Variants in GRIN3B observed in about 807,000 individuals in gnomAD.
GRIN3B encodes the protein glutamate ionotropic receptor NMDA type subunit 3B, also known as glutamate receptor ionotropic, NMDA 3B.
In GRIN3B, 77 loss-of-function variants were observed where a neutral mutation model predicts 66.0. The observed-to-expected ratio is 1.17, with a 90% CI of 0.97 to 1.41. The LOEUF is 1.41. GRIN3B is among the 40% of genes most tolerant of loss of function. GRIN3B has a pLI of 0.00. For missense variants in GRIN3B, 1,787 were observed against 1,564.5 expected (o/e 1.14, Z -2.40); for synonymous variants, 823 against 749.7 (o/e 1.10, Z -1.60).
Position 1,009,530 on chromosome 19 carries a change from G to A in GRIN3B, c.3060G>A (p.Arg1020=), listed in dbSNP as rs771905261. 1.5e-5 allele frequency: 22 copies of A among 1,488,192 alleles called. No individual in the cohort carries two copies. Among genetic ancestry groups the A allele is most frequent in the Non-Finnish European group, 1.9e-5 (21 of 1,124,466 alleles). The allele number at this position is 1,488,192 out of a possible 1,614,324, so 92.2% of individuals were successfully genotyped here. ...GGGACAGCGCACGTCACCGGCCTCG[G>A]CGCTTGCTTCAGGCCAGAGCGGCCC... is the stretch of plus-strand genomic sequence containing the variant. ...QLGDSARHRP[R]RLLQARAAPA... Residue 1020 remains arginine, a synonymous_variant, in exon 9 of 9, where the codon CGG becomes CGA. Coordinates refer to ENST00000234389, the MANE Select transcript of GRIN3B (RefSeq NM_138690.3).
intron 1 of GRIN3B, 122 bp from the exon 2 acceptor site, chr19:1,003,008 G>A: frequency 3.3e-6 from 2 of 608,848 alleles, no homozygotes; most frequent in Non-Finnish European, 5.5e-6. Flanking sequence ...GGGCTGGGGG[G>A]AGGTGGAGGG....
At chr19:1,009,100 G>C (rs1351356134) in intron 8 of GRIN3B, 73 bp from the exon 9 acceptor site, 1 of 1,441,530 alleles carries the variant, frequency 6.9e-7, no homozygotes. Context: ...TCTGCCGTCA[G>C]CGGCCTCTGC....
chr19:1,003,784 G>A (rs1220925361), intron 2 of GRIN3B, 62 bp downstream of exon 2: 1 of 1,267,244 alleles, frequency 7.9e-7, no homozygotes, highest in Non-Finnish European at 1.0e-6. Context: ...CACTGCTCAT[G>A]GATCACAAAA....
At chr19:1,002,240 C>G (rs965232644) in intron 1 of GRIN3B, 1 of 151,754 alleles carries the variant, frequency 6.6e-6, no homozygotes, top group African/African-American at 2.4e-5. Flanking sequence ...TATATATTGG[C>G]TGGGCACTGT....
In GRIN3B at chr19:1,000,875, G is replaced by T; in HGVS notation, c.426+12G>T. ...CCCTCGGAGCCCCGGTACGCGGGAC[G>T]CCCGGAGTCAGGACGAGGGGGACCC... On this transcript the variant is annotated intron_variant, in intron 1 of 8. Coordinates refer to ENST00000234389, the MANE Select transcript of GRIN3B (RefSeq NM_138690.3). 2.9e-6 allele frequency: 4 copies of T among 1,395,388 alleles called. No homozygotes were observed. The highest frequency in any genetic ancestry group is 1.5e-5 in the South Asian group (1 of 66,056). The allele number at this position is 1,395,388 out of a possible 1,614,324, so 86.4% of individuals were successfully genotyped here. A position where few individuals can be genotyped will look rare whatever the true frequency, so the allele number is the denominator to read the frequency against.
At position 1,004,623 on chromosome 19, in the gene GRIN3B, C is replaced by T. The variant is rs766110960; in HGVS notation, c.1122C>T (p.Arg374=). 4 of 1,603,366 alleles carry T rather than the reference C, an allele frequency of 2.5e-6. No individual in the cohort carries two copies. Among genetic ancestry groups the T allele is most frequent in the East Asian group, 2.3e-5 (1 of 44,248 alleles). ...MSRHFKVWSL[R]RDPRGAPAWA... ...GGCACTTTAAGGTGTGGAGCCTTCG[C>T]CGGGACCCACGGGGCGCCCCGGCCT... Residue 374 remains arginine, a synonymous_variant, in exon 3 of 9, where the codon CGC becomes CGT. Coordinates refer to ENST00000234389, the MANE Select transcript of GRIN3B (RefSeq NM_138690.3).
chr19:1,009,085 C>A, intron 8 of GRIN3B, 88 bp from the exon 9 acceptor site: 1 of 1,445,692 alleles, frequency 6.9e-7, no homozygotes, highest in Non-Finnish European at 9.1e-7. Flanking sequence ...GCCTGTCGGC[C>A]ATCCTCTGCC....
In GRIN3B at chr19:1,007,114, GC is replaced by G. The variant is rs1363503182; in HGVS notation, c.2053-513del. On this transcript the variant is annotated intron_variant, in intron 3 of 8. Transcript: ENST00000234389. This position sits in a 1 kb window ranked among gnomAD's most constrained non-coding sequence, Gnocchi z 4.4. ...ACGCTGGGCCCCAACCTGGGTAGGA[GC>G]TGTGGAGGGGTGAGCAGTGGGCAGT... Among the ~76,000 whole-genome samples, 1 of 152,204 alleles carries G rather than the reference GC, an allele frequency of 6.6e-6. No individual in the cohort carries two copies. Among genetic ancestry groups the G allele is most frequent in the African/African-American group, 2.4e-5 (1 of 41,440 alleles).
At position 1,009,654 on chromosome 19, in the gene GRIN3B, G is replaced by C; in HGVS notation, c.*52G>C. 1 of 1,297,954 alleles carries C rather than the reference G, an allele frequency of 7.7e-7. No individual in the cohort carries two copies. The allele number at this position is 1,297,954 out of a possible 1,614,324, so 80.4% of individuals were successfully genotyped here. On this transcript the variant is annotated 3_prime_UTR_variant, in exon 9 of 9. Coordinates refer to ENST00000234389, the MANE Select transcript of GRIN3B (RefSeq NM_138690.3). ...AGACACACACACAGCGCAGTGAGCC[G>C]CTGTCAACAGACAGTTTATTCTATA...
chr19:1,005,195 C>T lies in GRIN3B; in HGVS notation c.1694C>T (p.Pro565Leu), dbSNP rs376296317. 3 of 1,613,426 alleles carry T rather than the reference C, an allele frequency of 1.9e-6. No individual in the cohort carries two copies. The highest frequency in any genetic ancestry group is 2.7e-5 in the African/African-American group (2 of 74,942). The change falls in exon 3 of 9, where the codon CCC becomes CTC. Residue 565 changes from proline (P) to leucine (L), a missense_variant. Physicochemically the swap from Pro to Leu is moderately conservative, Grantham distance 98. Transcript: ENST00000234389. This position sits in a 1 kb window ranked among gnomAD's most constrained non-coding sequence, Gnocchi z 5.2. ...GTGCGGGCACGGGACACGGCCTCAC[C>T]CATCGGTGCCTTTATGTGGCCCCTG... ...IMVRARDTASPIGAFMWPLHW... is the reference protein window; with the variant it reads ...IMVRARDTASLIGAFMWPLHW...
Position 1,008,749 on chromosome 19 carries a change from G to A in GRIN3B, c.2598G>A (p.Gly866=). ...TGGCGCTGCCGCGCATCCGCAAGGG[G>A]AGCAGGCTGCAGTACTGGCTGCACA... ...FRLALPRIRK[G]SRLQYWLHTS... The change falls in exon 7 of 9, where the codon GGG becomes GGA. Residue 866 remains glycine (G), a synonymous_variant. Transcript: ENST00000234389. The A allele has an allele frequency of 6.2e-7, 1 of 1,606,902 alleles. No homozygotes were observed. Among genetic ancestry groups the A allele is most frequent in the Non-Finnish European group, 8.5e-7 (1 of 1,177,352 alleles).
At chr19:1,009,062 G>A in intron 8 of GRIN3B, 111 bp from the exon 9 acceptor site, 2 of 1,451,060 alleles carry the variant, frequency 1.4e-6, no homozygotes, top group South Asian at 1.4e-5. Flanking sequence ...GCACACCGTG[G>A]CTCCCTGGTT....
At position 1,003,221 on chromosome 19, in the gene GRIN3B, ACGT is replaced by A. The variant is rs776334163; in HGVS notation, c.521_523del (p.Val174del). The A allele has an allele frequency of 6.4e-6, 10 of 1,571,062 alleles. No homozygotes were observed. Among genetic ancestry groups the A allele is most frequent in the African/African-American group, 1.4e-5 (1 of 71,956 alleles). On this transcript the variant is annotated inframe_deletion, in exon 2 of 9. Transcript: ENST00000234389. ...GTGCTGCAGGCGCACGCCTGGGAAG[ACGT>A]CGGCCTGGCCCTGTGCCGCACTCAG...
Position 1,004,986 on chromosome 19 carries a change from C to G in GRIN3B, c.1485C>G (p.Phe495Leu), listed in dbSNP as rs748572980. The change falls in exon 3 of 9, where the codon TTC (phenylalanine) becomes TTG (leucine). Residue 495 changes from phenylalanine (F) to leucine (L), a missense_variant. By Grantham distance (22) the Phe-to-Leu change is conservative (BLOSUM62 0). Coordinates refer to ENST00000234389, the MANE Select transcript of GRIN3B (RefSeq NM_138690.3). Reference sequence around the variant, plus strand: ...TGGCGGAGGACACGCCCTTCGACTTCGAGCTGTACCTCGTGGGTGACGGCA... The same window carrying G: ...TGGCGGAGGACACGCCCTTCGACTTGGAGCTGTACCTCGTGGGTGACGGCA... Reference protein sequence around the residue: ...ERLAEDTPFDFELYLVGDGKY... With the variant: ...ERLAEDTPFDLELYLVGDGKY... 3 of 1,612,004 alleles carry G rather than the reference C, an allele frequency of 1.9e-6. No individual in the cohort carries two copies. The highest frequency in any genetic ancestry group is 1.7e-6 in the Non-Finnish European group (2 of 1,179,586).
Position 1,004,627 on chromosome 19 carries a change from G to A in GRIN3B, c.1126G>A (p.Asp376Asn). Residue 376 changes from aspartate to asparagine, a missense_variant, in exon 3 of 9, where the codon GAC becomes AAC. Asp to Asn is a conservative substitution (Grantham distance 23). Transcript: ENST00000234389. Reference sequence around the variant, plus strand: ...CTTTAAGGTGTGGAGCCTTCGCCGGGACCCACGGGGCGCCCCGGCCTGGGC... The same window carrying A: ...CTTTAAGGTGTGGAGCCTTCGCCGGAACCCACGGGGCGCCCCGGCCTGGGC... Reference protein sequence around the residue: ...RHFKVWSLRRDPRGAPAWATV... With the variant: ...RHFKVWSLRRNPRGAPAWATV... 6.2e-7 allele frequency: 1 copy of A among 1,602,674 alleles called. No homozygotes were observed. Among genetic ancestry groups the A allele is most frequent in the Non-Finnish European group, 8.5e-7 (1 of 1,175,230 alleles).
At position 1,007,803 on chromosome 19, in the gene GRIN3B, C is replaced by T. The variant is rs548542237; in HGVS notation, c.2198+30C>T. On this transcript the variant is annotated intron_variant, in intron 4 of 8. Coordinates refer to ENST00000234389, the MANE Select transcript of GRIN3B (RefSeq NM_138690.3). The surrounding 1 kb of genome is among the most constrained non-coding windows in gnomAD (Gnocchi z 4.4). ...GCCCGGGCGCGGGGTGAGGCGGGGG[C>T]GGGGCGTGGGGTGGGCGGGGCGATG... 4.6e-6 allele frequency: 7 copies of T among 1,515,660 alleles called. No individual in the cohort carries two copies. In the South Asian group the frequency reaches 6.2e-5, roughly 13 times the overall value. 93.9% of individuals were successfully genotyped at this position (1,515,660 alleles called of 1,614,324 possible).
intron 7 of GRIN3B, 35 bp downstream of exon 7, chr19:1,008,817 C>T (rs376554166): frequency 3.8e-6 from 6 of 1,591,438 alleles, no homozygotes; most frequent in Admixed American, 3.5e-5. Context: ...GGCCCCACCC[C>T]CCCCGCCTCC....
Position 1,005,524 on chromosome 19 carries a change from G to C in GRIN3B, c.2023G>C (p.Glu675Gln). 6.2e-7 allele frequency: 1 copy of C among 1,610,290 alleles called. No individual in the cohort carries two copies. The highest frequency in any genetic ancestry group is 8.5e-7 in the Non-Finnish European group (1 of 1,178,122). ...AAVMVGDKTFEELSGIHDPKL... is the reference protein window; with the variant it reads ...AAVMVGDKTFQELSGIHDPKL... ...CGTCATGGTCGGGGACAAGACCTTCGAGGAGCTGTCGGGGATCCACGACCC... is the reference window on the plus strand; with the variant it reads ...CGTCATGGTCGGGGACAAGACCTTCCAGGAGCTGTCGGGGATCCACGACCC... The change falls in exon 3 of 9, where the codon GAG (glutamate) becomes CAG (glutamine). Residue 675 changes from glutamate (E) to glutamine (Q), a missense_variant. Glu to Gln is a conservative substitution (Grantham distance 29, BLOSUM62 2). Coordinates refer to ENST00000234389, the MANE Select transcript of GRIN3B (RefSeq NM_138690.3). This position sits in a 1 kb window ranked among gnomAD's most constrained non-coding sequence, Gnocchi z 5.2.
At chr19:1,009,112 G>GAGGCCCA in intron 8 of GRIN3B, 61 bp from the exon 9 acceptor site, 1 of 1,443,094 alleles carries the variant, frequency 6.9e-7, no homozygotes, top group South Asian at 1.4e-5. Context: ...GGCCTCTGCA[G>GAGGCCCA]AGGCCCAGGG....
Sources: gnomAD v4.1 joint callset for allele counts (sites outside exome capture counted in the v4.1 genomes callset) on GRCh38, gnomAD v4.1.1 for gene constraint, Gnocchi (gnomAD v3.1) non-coding constraint, MANE v1.5 for transcripts, NCBI Gene and HGNC (gene_info 2026-07-23, HGNC 2026-07-21) for gene names.